Variants in CTNNA2 observed in about 807,000 individuals in gnomAD.
CTNNA2 encodes the protein catenin alpha 2, also known as catenin alpha-2.
CTNNA2 carries 42 observed loss-of-function variants against 101.0 expected under a neutral mutation model. The observed-to-expected ratio is 0.42, with a 90% confidence interval of 0.32 to 0.54. The LOEUF (loss-of-function observed/expected upper bound fraction) is 0.54, where lower values mean the gene tolerates loss of function less well. Ranked by LOEUF, CTNNA2 falls within the 20% of genes least tolerant of loss-of-function variation. The pLI is 0.14. For synonymous variants in CTNNA2, 450 were observed against 456.4 expected (o/e 0.99, Z 0.18); for missense variants, 871 against 1,223.1 (o/e 0.71, Z 4.29).
At chr2:79,747,428 T>C (rs907813717) in intron 3 of CTNNA2, among the ~76,000 whole-genome samples, 1 of 152,158 alleles carries the variant, frequency 6.6e-6, no homozygotes, top group Admixed American at 6.5e-5. Context: ...TTTTGACAAA[T>C]GTATACATCC....
chr2:79,427,175 A>C (rs1051150887), intron 4 of CTNNA2, among the ~76,000 whole-genome samples: 1 of 152,108 alleles, frequency 6.6e-6, no homozygotes, highest in Admixed American at 6.6e-5. Context: ...CATATCATGA[A>C]AAGGGCAGTA....
chr2:80,019,799 A>T (rs1019128760), intron 7 of CTNNA2, among the ~76,000 whole-genome samples: 1 of 152,202 alleles, frequency 6.6e-6, no homozygotes, highest in South Asian at 2.1e-4. Context: ...AGACTGTTTC[A>T]TACTTCTGTT....
At chr2:79,722,101 A>G (rs1686526202) in intron 2 of CTNNA2, among the ~76,000 whole-genome samples, 2 of 152,320 alleles carry the variant, frequency 1.3e-5, no homozygotes, top group South Asian at 4.1e-4. Context: ...ATTTGGAAGG[A>G]GCATGTGTCA....
chr2:80,206,883 T>C (rs57939543), intron 7 of CTNNA2, among the ~76,000 whole-genome samples: 37,218 of 152,164 alleles, frequency 0.24, 7,363 homozygotes, highest in African/African-American at 0.54. Context: ...TAACAGAAGC[T>C]GGTCTGGAGA....
intron 4 of CTNNA2, among the ~76,000 whole-genome samples, chr2:79,484,363 TG>T (rs768005352): frequency 6.6e-6 from 1 of 152,206 alleles, no homozygotes; most frequent in Non-Finnish European, 1.5e-5. Context: ...AATCCCTTTT[TG>T]CTGAACTTCC....
intron 18 of CTNNA2, among the ~76,000 whole-genome samples, chr2:80,632,771 C>T (rs1672435060): frequency 6.6e-6 from 1 of 152,140 alleles, no homozygotes; most frequent in Non-Finnish European, 1.5e-5. Context: ...CCCAAAAGAA[C>T]TTCCCAAAGG....
intron 4 of CTNNA2, among the ~76,000 whole-genome samples, chr2:79,449,574 A>G (rs1678867307): frequency 6.6e-6 from 1 of 152,082 alleles, no homozygotes; most frequent in African/African-American, 2.4e-5. Context: ...AGTACCATCA[A>G]TGTTTACTGG....
At chr2:80,398,195 GA>G (rs1678208406) in intron 8 of CTNNA2, among the ~76,000 whole-genome samples, 1 of 152,080 alleles carries the variant, frequency 6.6e-6, no homozygotes, top group Admixed American at 6.5e-5. Context: ...AACAATTACA[GA>G]AAAAAGAGAA....
chr2:80,454,031 A>C (rs1484993967), intron 9 of CTNNA2, among the ~76,000 whole-genome samples: 1 of 152,196 alleles, frequency 6.6e-6, no homozygotes, highest in Non-Finnish European at 1.5e-5. Flanking sequence ...AAAAGAAAAA[A>C]AAAGAAAAGA....
intron 3 of CTNNA2, among the ~76,000 whole-genome samples, chr2:79,333,349 A>C (rs1344943130): frequency 6.6e-6 from 1 of 152,158 alleles, no homozygotes. Flanking sequence ...AAGCCTACAC[A>C]GGTCCCAGTA....
At chr2:79,731,087 A>G (rs1328837352) in intron 2 of CTNNA2, among the ~76,000 whole-genome samples, 1 of 152,050 alleles carries the variant, frequency 6.6e-6, no homozygotes, top group Non-Finnish European at 1.5e-5. Context: ...ATAATTTCCC[A>G]TATCAAAATA....
intron 7 of CTNNA2, among the ~76,000 whole-genome samples, chr2:79,939,784 A>G (rs1245537206): frequency 6.6e-6 from 1 of 152,210 alleles, no homozygotes; most frequent in East Asian, 1.9e-4. Flanking sequence ...TTGTGAAACC[A>G]TGATTTTCTT....
At chr2:79,280,658 A>AGTGTGTGTGTGTGTGTGT (rs1675344598) in intron 2 of CTNNA2, among the ~76,000 whole-genome samples, 1 of 47,912 alleles carries the variant, frequency 2.1e-5, no homozygotes, top group African/African-American at 1.0e-4. Context: ...TGTGTGTGTA[A>AGTGTGTGTGTGTGTGTGT]GAGAAAGAGA....
chr2:79,707,589 A>C (rs907581904), intron 2 of CTNNA2, among the ~76,000 whole-genome samples: 3 of 152,200 alleles, frequency 2.0e-5, no homozygotes, highest in African/African-American at 7.2e-5. Context: ...CTTTTTCTGC[A>C]GTGGCATCCT....
Position 80,416,407 on chromosome 2 carries a change from C to T in CTNNA2, c.1138-3042C>T, listed in dbSNP as rs183288436. Among the ~76,000 whole-genome samples, 71 of 152,200 alleles carry T rather than the reference C, an allele frequency of 4.7e-4. 1 individual carries two copies. The highest frequency in any genetic ancestry group is 2.1e-4 in the Non-Finnish European group (14 of 67,982). ...ATCAAATCCGATGTGTTTCTACTGA[C>T]ATTTCTACTTCAGATCTAACACTGG... On this transcript the variant is annotated intron_variant, in intron 8 of 18. Transcript: ENST00000402739.
At chr2:79,491,312 TCTG>T (rs1286130890) in intron 4 of CTNNA2, among the ~76,000 whole-genome samples, 1 of 152,196 alleles carries the variant, frequency 6.6e-6, no homozygotes, top group Non-Finnish European at 1.5e-5. Flanking sequence ...CACTCTGTCT[TCTG>T]CTACTCCAGG....
intron 1 of CTNNA2, among the ~76,000 whole-genome samples, chr2:79,545,978 A>T (rs2104016734): frequency 6.6e-6 from 1 of 152,320 alleles, no homozygotes; most frequent in African/African-American, 2.4e-5. Context: ...GCAGAGAAGG[A>T]TGTGTGTAAG....
intron 6 of CTNNA2, among the ~76,000 whole-genome samples, chr2:79,875,853 A>T (rs755194243): frequency 7.2e-5 from 11 of 152,186 alleles, no homozygotes; most frequent in African/African-American, 4.8e-5. Context: ...CATAGAAAAT[A>T]ATGAGAGTTC....
At chr2:79,602,576 A>G (rs561347222) in intron 1 of CTNNA2, among the ~76,000 whole-genome samples, 1 of 152,314 alleles carries the variant, frequency 6.6e-6, no homozygotes, top group South Asian at 2.1e-4. Flanking sequence ...AACTGTTACC[A>G]TTATTAAATG....
Sources: gnomAD v4.1 joint callset for allele counts (sites outside exome capture counted in the v4.1 genomes callset) on GRCh38, gnomAD v4.1.1 for gene constraint, MANE v1.5 for transcripts, NCBI Gene and HGNC (gene_info 2026-07-23, HGNC 2026-07-21) for gene names.